The following COLGALT2 variants were observed in gnomAD, a reference collection of about 807,000 sequenced individuals.
The protein encoded by COLGALT2 is collagen beta(1-O)galactosyltransferase 2.
In COLGALT2, 49 loss-of-function variants were observed where a neutral mutation model predicts 73.4. The observed-to-expected ratio is 0.67, with a 90% CI of 0.53 to 0.85. The LOEUF (loss-of-function observed/expected upper bound fraction) is 0.85, where lower values mean the gene tolerates loss of function less well. COLGALT2 is among the 40% of genes least tolerant of loss of function. The pLI, the probability that COLGALT2 is intolerant of heterozygous loss-of-function variation, is 0.00. For synonymous variants in COLGALT2, 295 were observed against 307.6 expected, an observed-to-expected ratio of 0.96 and a Z score of 0.43; for missense variants, 722 against 790.2, an observed-to-expected ratio of 0.91 and a Z score of 1.03.
intron 1 of COLGALT2, among the ~76,000 whole-genome samples, chr1:183,981,435 T>C (rs1483467943): frequency 1.3e-5 from 2 of 151,916 alleles, no homozygotes; most frequent in Non-Finnish European, 2.9e-5. Flanking sequence ...AGCAGATCAT[T>C]TGAGGTCAGG....
chr1:184,017,496 C>T (rs1266640842), intron 1 of COLGALT2, among the ~76,000 whole-genome samples: 1 of 152,118 alleles, frequency 6.6e-6, no homozygotes, highest in African/African-American at 2.4e-5. Context: ...TAATAACCTA[C>T]ATATGGAAGT....
Position 183,978,404 on chromosome 1 carries a change from A to G in COLGALT2, c.374+6T>C, listed in dbSNP as rs1671263145. On this transcript the variant is annotated splice_donor_region_variant and intron_variant, in intron 2 of 11. Coordinates refer to ENST00000361927, the MANE Select transcript of COLGALT2 (RefSeq NM_015101.4). ...TGAGTTTACAAATTTCGCACTTGCTACTCACTCTGGTTCATCCATAGGCCT... is the reference window on the plus strand; with the variant it reads ...TGAGTTTACAAATTTCGCACTTGCTGCTCACTCTGGTTCATCCATAGGCCT... The G allele has an allele frequency of 6.5e-7, 1 of 1,543,330 alleles. No homozygotes were observed. The highest frequency in any genetic ancestry group is 8.9e-7 in the Non-Finnish European group (1 of 1,117,398).
At position 183,939,533 on chromosome 1, in the gene COLGALT2, C is replaced by A. The variant is rs116645484; in HGVS notation, c.1605-496G>T. 4.1e-3 allele frequency among the ~76,000 whole-genome samples: 630 copies of A among 152,340 alleles called. 1 individual carries two copies. The highest frequency in any genetic ancestry group is 0.015 in the African/African-American group (606 of 41,574). On this transcript the variant is annotated intron_variant, in intron 11 of 11. Coordinates refer to ENST00000361927, the MANE Select transcript of COLGALT2 (RefSeq NM_015101.4). ...GAGACGGATGACTTGGCCTCCCTCT[C>A]AGGGCTCCTGTGCAGAGTACATGAG...
chr1:184,022,113 CA>C (rs1336752861), intron 1 of COLGALT2, among the ~76,000 whole-genome samples: 7 of 152,148 alleles, frequency 4.6e-5, no homozygotes, highest in African/African-American at 1.4e-4. Flanking sequence ...TTGCTGAAGA[CA>C]AGAGTTATCT....
At chr1:183,991,831 T>C (rs568596008) in intron 1 of COLGALT2, among the ~76,000 whole-genome samples, 34 of 152,044 alleles carry the variant, frequency 2.2e-4, no homozygotes, top group Non-Finnish European at 4.7e-4. Context: ...AGTCGTAGTG[T>C]CAGGGCAAAC....
chr1:183,947,479 G>A (rs1670282773), intron 8 of COLGALT2, among the ~76,000 whole-genome samples: 1 of 152,118 alleles, frequency 6.6e-6, no homozygotes, highest in Non-Finnish European at 1.5e-5. Flanking sequence ...ATTCAGAAAT[G>A]TGGAATTAAA....
chr1:183,960,217 C>G (rs112141148), intron 6 of COLGALT2, among the ~76,000 whole-genome samples: 6 of 152,160 alleles, frequency 3.9e-5, no homozygotes, highest in African/African-American at 1.4e-4. Flanking sequence ...AACAATGAAG[C>G]CACTCCACCC....
chr1:183,999,147 A>G (rs1330946024), intron 1 of COLGALT2, among the ~76,000 whole-genome samples: 1 of 152,028 alleles, frequency 6.6e-6, no homozygotes, highest in Non-Finnish European at 1.5e-5. Flanking sequence ...TATTGGGTTG[A>G]GAAAATTTTC....
intron 10 of COLGALT2, 22 bp downstream of exon 10, chr1:183,944,174 G>A (rs750292007): frequency 3.9e-5 from 62 of 1,602,714 alleles, no homozygotes; most frequent in African/African-American, 8.1e-5. Flanking sequence ...GAGCCCTCTC[G>A]TAAGATCATC....
chr1:183,996,794 T>C (rs1280088322), intron 1 of COLGALT2, among the ~76,000 whole-genome samples: 1 of 152,198 alleles, frequency 6.6e-6, no homozygotes, highest in African/African-American at 2.4e-5. Flanking sequence ...TGTCCAAGAC[T>C]CTAAGAAAGT....
At position 184,036,900 on chromosome 1, in the gene COLGALT2, C is replaced by T. The variant is rs1482514372; in HGVS notation, c.263+195G>A. 3.3e-5 allele frequency among the ~76,000 whole-genome samples: 5 copies of T among 152,296 alleles called. No homozygotes were observed. In the East Asian group the frequency reaches 9.7e-4, roughly 30 times the overall value. ...CCTCTGCGCACACTGACCCGCGCGT[C>T]CCTCCGCAGCCTGACCGCCCGATCC... On this transcript the variant is annotated intron_variant, in intron 1 of 11. Coordinates refer to ENST00000361927, the MANE Select transcript of COLGALT2 (RefSeq NM_015101.4).
chr1:183,973,760 G>C lies in COLGALT2; in HGVS notation c.493-10C>G. The C allele has an allele frequency of 1.2e-6, 2 of 1,612,400 alleles. No homozygotes were observed. Among genetic ancestry groups the C allele is most frequent in the Non-Finnish European group, 1.7e-6 (2 of 1,178,958 alleles). ...TGTCAACATCTATGAACTAGGAAAA[G>C]AAAAGGATAATGTTAGGTGAAAAGG... On this transcript the variant is annotated splice_polypyrimidine_tract_variant and intron_variant, in intron 3 of 11. Coordinates refer to ENST00000361927, the MANE Select transcript of COLGALT2 (RefSeq NM_015101.4).
chr1:184,020,506 C>T (rs1312190572), intron 1 of COLGALT2, among the ~76,000 whole-genome samples: 2 of 152,170 alleles, frequency 1.3e-5, no homozygotes, highest in Admixed American at 1.3e-4. Context: ...TTTCCCCTTT[C>T]TCCATTCCTC....
At position 183,936,324 on chromosome 1, in the gene COLGALT2, A is replaced by G. The variant is rs765950038; in HGVS notation, c.*2437T>C. 229 of 982,738 alleles carry G rather than the reference A, an allele frequency of 2.3e-4. No individual in the cohort carries two copies. The highest frequency in any genetic ancestry group is 2.7e-4 in the Non-Finnish European group (224 of 828,664). 60.9% of individuals were successfully genotyped at this position (982,738 alleles called of 1,614,324 possible). ...AAGAGATGACTTTAAAAAAAAAGTC[A>G]CATCTGCGGCTCACAGTGTTCACCA... On this transcript the variant is annotated 3_prime_UTR_variant, in exon 12 of 12. Coordinates refer to ENST00000361927, the MANE Select transcript of COLGALT2 (RefSeq NM_015101.4).
At chr1:183,943,115 C>A (rs1026704223) in intron 10 of COLGALT2, among the ~76,000 whole-genome samples, 5 of 152,224 alleles carry the variant, frequency 3.3e-5, no homozygotes, top group Non-Finnish European at 5.9e-5. Flanking sequence ...CCAAACCAAA[C>A]CACATGACCA....
intron 2 of COLGALT2, among the ~76,000 whole-genome samples, chr1:183,975,949 G>A (rs906760724): frequency 1.3e-5 from 2 of 152,162 alleles, no homozygotes; most frequent in Non-Finnish European, 2.9e-5. Context: ...TTTAGTGAGT[G>A]AAAAACTGCA....
intron 1 of COLGALT2, among the ~76,000 whole-genome samples, chr1:183,998,892 G>C (rs1671841840): frequency 6.6e-6 from 1 of 151,898 alleles, no homozygotes; most frequent in African/African-American, 2.4e-5. Flanking sequence ...AAATGCAGTT[G>C]ACTTTCATAT....
intron 5 of COLGALT2, among the ~76,000 whole-genome samples, chr1:183,968,816 A>G (rs1435790696): frequency 6.6e-6 from 1 of 152,128 alleles, no homozygotes; most frequent in Non-Finnish European, 1.5e-5. Flanking sequence ...GAAGCCTGGG[A>G]CTCTGAACAC....
At chr1:184,019,986 AAG>A (rs1474591496) in intron 1 of COLGALT2, among the ~76,000 whole-genome samples, 1 of 152,244 alleles carries the variant, frequency 6.6e-6, no homozygotes, top group Non-Finnish European at 1.5e-5. Flanking sequence ...TAAGTAAGAA[AAG>A]AGATAAATGC....
Sources: gnomAD v4.1 joint callset for allele counts (sites outside exome capture counted in the v4.1 genomes callset) on GRCh38, gnomAD v4.1.1 for gene constraint, MANE v1.5 for transcripts, NCBI Gene and HGNC (gene_info 2026-07-23, HGNC 2026-07-21) for gene names.